Variants in MYOM2 observed in about 807,000 individuals in gnomAD.
MYOM2 encodes the protein myomesin-2.
Under a neutral mutation model 187.6 loss-of-function variants are expected in MYOM2, and 254 were observed. The observed-to-expected ratio is 1.35, with a 90% CI of 1.22 to 1.50. MYOM2 has a LOEUF of 1.50. Ranked by LOEUF, MYOM2 falls within the 40% of genes most tolerant of loss-of-function variation. MYOM2 has a pLI of 0.00. For synonymous variants in MYOM2, 981 were observed against 753.8 expected (o/e 1.30, Z -4.94); for missense variants, 2,796 against 1,924.0 (o/e 1.45, Z -8.48).
rs1185385685 is a variant in MYOM2, at chr8:2,057,409, G to A, written c.325G>A (p.Ala109Thr). 1 of 1,613,954 alleles carries A rather than the reference G, an allele frequency of 6.2e-7. No homozygotes were observed. The highest frequency in any genetic ancestry group is 1.7e-5 in the Admixed American group (1 of 60,006). ...GCGACAGCGCTTCCTCAGCGAGCTGGCCCACTTGGAGGAGGATGTCCACCT... is the reference window on the plus strand; with the variant it reads ...GCGACAGCGCTTCCTCAGCGAGCTGACCCACTTGGAGGAGGATGTCCACCT... ...AKRQRFLSEL[A>T]HLEEDVHLAR... The change falls in exon 4 of 37, where the codon GCC (alanine) becomes ACC (threonine). Residue 109 changes from alanine (A) to threonine (T), a missense_variant. Physicochemically the swap from Ala to Thr is moderately conservative, Grantham distance 58 (BLOSUM62 0). Transcript: ENST00000262113.
In MYOM2 at chr8:2,079,574, G is replaced by T; in HGVS notation, c.1477G>T (p.Gly493Ter). Reference protein sequence around the residue: ...LRRLQAVHLEGEKEIAIYQDD... With the variant: ...LRRLQAVHLE ...TCTCTCCGCAGCCGTTCATTTGGAG[G>T]GAGAGAAGGAGATTGCCATTTATCA... Residue 493 changes from glycine to a stop codon, truncating the protein, a stop_gained, in exon 13 of 37, where the codon GGA becomes TGA. Transcript: ENST00000262113. LOFTEE classifies it high-confidence loss of function. The T allele has an allele frequency of 6.2e-7, 1 of 1,614,122 alleles. No homozygotes were observed. Among genetic ancestry groups the T allele is most frequent in the Non-Finnish European group, 8.5e-7 (1 of 1,180,024 alleles).
rs773182623 is a variant in MYOM2 at position 2,052,227 on chromosome 8, C to G, written c.177C>G (p.Ser59Arg). ...GGTCGTCTTCACAGAGAGCCTCCAG[C>G]CAGACGTCCCTGGGAGGAACCATCT... ...SQRSSSQRAS[S>R]QTSLGGTICR... Residue 59 changes from serine (S) to arginine (R), a missense_variant, in exon 3 of 37, where the codon AGC becomes AGG. Ser to Arg is a moderately radical substitution (Grantham distance 110). Coordinates refer to ENST00000262113, the MANE Select transcript of MYOM2 (RefSeq NM_003970.4). The G allele has an allele frequency of 2.7e-5, 43 of 1,613,218 alleles. No individual in the cohort carries two copies. Among genetic ancestry groups the G allele is most frequent in the Non-Finnish European group, 3.5e-5 (41 of 1,179,770 alleles).
intron 34 of MYOM2, among the ~76,000 whole-genome samples, chr8:2,141,600 G>A (rs188228879): frequency 1.3e-5 from 2 of 152,324 alleles, no homozygotes; most frequent in African/African-American, 4.8e-5. Context: ...TCTGTGTGGA[G>A]GAGAGTTTTA....
At chr8:2,119,952 C>G (rs911182520) in intron 28 of MYOM2, among the ~76,000 whole-genome samples, 2 of 152,162 alleles carry the variant, frequency 1.3e-5, no homozygotes, top group Non-Finnish European at 2.9e-5. Context: ...GTTTCACACT[C>G]TTTCCAGTGA....
At chr8:2,111,694 G>A (rs570742298) in intron 25 of MYOM2, among the ~76,000 whole-genome samples, 8 of 152,166 alleles carry the variant, frequency 5.3e-5, no homozygotes, top group Admixed American at 2.0e-4. Context: ...CAAGAGCGAC[G>A]TCAGTCTCCA....
At chr8:2,142,459 A>G (rs1302434262) in intron 35 of MYOM2, 62 bp downstream of exon 35, 8 of 1,570,314 alleles carry the variant, frequency 5.1e-6, no homozygotes, top group Non-Finnish European at 7.0e-6. Context: ...AAAAGTGTCC[A>G]TATTTTGGAG....
At chr8:2,046,804 A>T (rs1198929260) in intron 1 of MYOM2, among the ~76,000 whole-genome samples, 3 of 147,880 alleles carry the variant, frequency 2.0e-5, no homozygotes, top group African/African-American at 7.5e-5. Context: ...CATGTCTGAG[A>T]TAGTTCCTTA....
chr8:2,126,655 C>G (rs1356340589), intron 31 of MYOM2, among the ~76,000 whole-genome samples: 2 of 149,574 alleles, frequency 1.3e-5, no homozygotes, highest in Non-Finnish European at 3.0e-5. Flanking sequence ...TGGGGAAGCA[C>G]CGGGAGAGGC....
At chr8:2,095,313 G>A (rs1025885999) in intron 17 of MYOM2, among the ~76,000 whole-genome samples, 16 of 138,498 alleles carry the variant, frequency 1.2e-4, no homozygotes, top group African/African-American at 3.6e-4. Flanking sequence ...TTTTTTCGAC[G>A]TAGAGTCTCG....
At chr8:2,093,029 A>C (rs890406184) in intron 16 of MYOM2, among the ~76,000 whole-genome samples, 5 of 152,020 alleles carry the variant, frequency 3.3e-5, no homozygotes, top group Non-Finnish European at 5.9e-5. Context: ...GCCTTTGGAG[A>C]GACTTGCTCC....
At chr8:2,080,461 C>T (rs1433774671) in intron 13 of MYOM2, among the ~76,000 whole-genome samples, 1 of 152,200 alleles carries the variant, frequency 6.6e-6, no homozygotes, top group Non-Finnish European at 1.5e-5. Context: ...CCCTATGTTT[C>T]CCATGAGGGA....
chr8:2,137,829 C>G (rs1473983881), intron 32 of MYOM2, among the ~76,000 whole-genome samples: 1 of 152,052 alleles, frequency 6.6e-6, no homozygotes, highest in Non-Finnish European at 1.5e-5. Context: ...GTAAGTGCAT[C>G]CAGGGGGATA....
intron 6 of MYOM2, among the ~76,000 whole-genome samples, chr8:2,064,124 G>GA (rs1312919166): frequency 1.3e-5 from 2 of 152,224 alleles, no homozygotes; most frequent in African/African-American, 4.8e-5. Flanking sequence ...AAGTCTCCGC[G>GA]AGAGTGGCCG....
intron 25 of MYOM2, among the ~76,000 whole-genome samples, chr8:2,109,867 G>A (rs564431950): frequency 6.6e-6 from 1 of 152,144 alleles, no homozygotes; most frequent in Non-Finnish European, 1.5e-5. Context: ...GGTTTTGAAG[G>A]TATCTATTTT....
chr8:2,117,515 G>A (rs1797288892), intron 27 of MYOM2, among the ~76,000 whole-genome samples: 1 of 152,120 alleles, frequency 6.6e-6, no homozygotes, highest in Admixed American at 6.5e-5. Flanking sequence ...GTTGTCGAAT[G>A]TTCAGTTAGA....
Position 2,106,394 on chromosome 8 carries a change from GA to G in MYOM2, c.2888del (p.Asp963ValfsTer7), listed in dbSNP as rs1563059792. On this transcript the variant is annotated frameshift_variant, in exon 22 of 37. Coordinates refer to ENST00000262113, the MANE Select transcript of MYOM2 (RefSeq NM_003970.4). LOFTEE classifies it high-confidence loss of function. ...DERFKIETVG[D>X]HSKLYLKNPD... ...GAGGTTTAAAATTGAAACCGTGGGG[GA>G]TCAGTAAGTGAGGCCTGGAAGTTGG... The G allele has an allele frequency of 6.2e-7, 1 of 1,613,984 alleles. No homozygotes were observed. The highest frequency in any genetic ancestry group is 1.7e-5 in the Admixed American group (1 of 60,026).
chr8:2,096,199 GC>G (rs1249114461), intron 17 of MYOM2, 47 bp from the exon 18 acceptor site: 1 of 1,576,084 alleles, frequency 6.3e-7, no homozygotes, highest in African/African-American at 1.3e-5. Context: ...CGGGGACAAA[GC>G]CCCCAGCTGA....
At position 2,106,598 on chromosome 8, in the gene MYOM2, G is replaced by T. The variant is rs760757270; in HGVS notation, c.2998+1G>T. On this transcript the variant is annotated splice_donor_variant, in intron 23 of 36. Coordinates refer to ENST00000262113, the MANE Select transcript of MYOM2 (RefSeq NM_003970.4). LOFTEE classifies it high-confidence loss of function. ...TCCAGTTTTGTTCTGGACCCAGAAG[G>T]TAATATTTATATGGCAGAACCTTGC... 1 of 1,593,638 alleles carries T rather than the reference G, an allele frequency of 6.3e-7. No homozygotes were observed. The highest frequency in any genetic ancestry group is 8.6e-7 in the Non-Finnish European group (1 of 1,164,008).
At chr8:2,050,657 A>T in intron 1 of MYOM2, 98 bp from the exon 2 acceptor site, 1 of 643,050 alleles carries the variant, frequency 1.6e-6, no homozygotes, top group Non-Finnish European at 2.7e-6. Flanking sequence ...GGGTTTTATT[A>T]ACTGGAGTTC....
Sources: gnomAD v4.1 joint callset for allele counts (sites outside exome capture counted in the v4.1 genomes callset) on GRCh38, gnomAD v4.1.1 for gene constraint, MANE v1.5 for transcripts, NCBI Gene and HGNC (gene_info 2026-07-23, HGNC 2026-07-21) for gene names.